The following SAMD5 variants were observed in gnomAD, a reference collection of about 807,000 sequenced individuals.
SAMD5 encodes the protein sterile alpha motif domain-containing protein 5.
A neutral mutation model predicts 11.3 loss-of-function variants in SAMD5; 13 were observed. The observed-to-expected ratio is 1.15, with a 90% CI of 0.75 to 1.83. The LOEUF is 1.83. SAMD5 is among the 40% of genes most tolerant of loss of function. SAMD5 has a pLI of 0.00. For missense variants in SAMD5, 255 were observed against 239.1 expected (o/e 1.07, Z -0.44); for synonymous variants, 129 against 111.3 (o/e 1.16, Z -1.00).
the SAMD5 span, among the ~76,000 whole-genome samples, chr6:147,859,841 G>A: frequency 6.6e-6 from 1 of 151,904 alleles, no homozygotes; most frequent in Non-Finnish European, 1.5e-5. Flanking sequence ...TGGAATTTAG[G>A]GCAATTACCT....
chr6:147,739,081 G>A (rs1448024486), downstream of SAMD5, among the ~76,000 whole-genome samples: 1 of 152,130 alleles, frequency 6.6e-6, no homozygotes, highest in African/African-American at 2.4e-5. Context: ...TAAAAGCTCT[G>A]CCTGTCTAGG....
intron 1 of SAMD5, among the ~76,000 whole-genome samples, chr6:147,727,622 A>G (rs928924708): frequency 3.3e-5 from 5 of 151,584 alleles, no homozygotes; most frequent in African/African-American, 1.2e-4. Context: ...ATTTCTTCCT[A>G]GATGATTTTC....
the SAMD5 span, among the ~76,000 whole-genome samples, chr6:147,793,664 G>A: frequency 6.6e-6 from 1 of 152,056 alleles, no homozygotes; most frequent in Non-Finnish European, 1.5e-5. Flanking sequence ...TATTTAGGCT[G>A]TTTTCATCTT....
At chr6:147,630,847 A>G (rs1790138859) in intron 1 of SAMD5, among the ~76,000 whole-genome samples, 1 of 152,128 alleles carries the variant, frequency 6.6e-6, no homozygotes, top group African/African-American at 2.4e-5. Context: ...GAGACAGAGG[A>G]GATGCGTTTT....
chr6:147,751,342 T>C, the SAMD5 span, among the ~76,000 whole-genome samples: 1,228 of 152,286 alleles, frequency 8.1e-3, 17 homozygotes, highest in African/African-American at 0.028. Flanking sequence ...TGTTTTTTTT[T>C]CCATCTGTCT....
chr6:147,626,690 T>A (rs1046358), intron 1 of SAMD5, among the ~76,000 whole-genome samples: 107,062 of 150,696 alleles, frequency 0.71, 38,632 homozygotes, highest in African/African-American at 0.84. Flanking sequence ...GTGGTGGCTC[T>A]TCTCTGTAAT....
At chr6:147,952,574 G>C in the SAMD5 span, among the ~76,000 whole-genome samples, 10 of 152,286 alleles carry the variant, frequency 6.6e-5, no homozygotes, top group African/African-American at 2.2e-4. Context: ...GCAGAGACGT[G>C]ACCTCAGCTC....
At chr6:147,742,469 T>C (rs1791893442), downstream of SAMD5, among the ~76,000 whole-genome samples, 1 of 152,246 alleles carries the variant, frequency 6.6e-6, no homozygotes, top group South Asian at 2.1e-4. Flanking sequence ...ATACGTACCA[T>C]GCTGTTTCTG....
At chr6:147,558,399 G>C (rs1788891497) in intron 1 of SAMD5, among the ~76,000 whole-genome samples, 1 of 152,142 alleles carries the variant, frequency 6.6e-6, no homozygotes, top group Non-Finnish European at 1.5e-5. Flanking sequence ...TTTCTGTTCT[G>C]GGCTTGTGCT....
At chr6:147,778,392 G>A in the SAMD5 span, among the ~76,000 whole-genome samples, 1 of 152,026 alleles carries the variant, frequency 6.6e-6, no homozygotes, top group African/African-American at 2.4e-5. Flanking sequence ...ATTTCTACTT[G>A]GATGTTCAGT....
chr6:147,891,057 G>A, the SAMD5 span, among the ~76,000 whole-genome samples: 8 of 152,124 alleles, frequency 5.3e-5, no homozygotes, highest in East Asian at 7.7e-4. Context: ...AGATGAATAC[G>A]TCTAGTAAGA....
intron 1 of SAMD5, among the ~76,000 whole-genome samples, chr6:147,580,862 T>G (rs1355087642): frequency 4.6e-5 from 7 of 152,036 alleles, no homozygotes; most frequent in Admixed American, 4.6e-4. Flanking sequence ...AGGAAAGTAG[T>G]AGAGAATGTC....
At chr6:147,776,618 G>A in the SAMD5 span, among the ~76,000 whole-genome samples, 1 of 152,178 alleles carries the variant, frequency 6.6e-6, no homozygotes, top group African/African-American at 2.4e-5. Context: ...CCATCAAGAG[G>A]TGGTCTTTGT....
At chr6:147,910,566 G>C in the SAMD5 span, among the ~76,000 whole-genome samples, 1 of 152,104 alleles carries the variant, frequency 6.6e-6, no homozygotes, top group Non-Finnish European at 1.5e-5. Context: ...GGCTCATGTT[G>C]TTTGATCTAA....
downstream of SAMD5, among the ~76,000 whole-genome samples, chr6:147,574,065 T>A (rs962188710): frequency 3.9e-5 from 6 of 152,068 alleles, no homozygotes; most frequent in East Asian, 1.2e-3. Context: ...GAGGCGGAGC[T>A]TGCAGTGAGC....
chr6:147,872,396 G>A, the SAMD5 span, among the ~76,000 whole-genome samples: 1 of 152,120 alleles, frequency 6.6e-6, no homozygotes, highest in Non-Finnish European at 1.5e-5. Context: ...CCTGTGCCTG[G>A]TCTATTATGT....
intron 1 of SAMD5, among the ~76,000 whole-genome samples, chr6:147,652,594 C>G (rs1180336533): frequency 6.6e-6 from 1 of 152,176 alleles, no homozygotes; most frequent in Non-Finnish European, 1.5e-5. Context: ...ACTGGACTGG[C>G]TGGCCAAGTG....
the SAMD5 span, among the ~76,000 whole-genome samples, chr6:147,793,166 ATG>A: frequency 6.6e-6 from 1 of 152,156 alleles, no homozygotes. Flanking sequence ...ACAACAAGTC[ATG>A]TTGCCAGCAA....
At chr6:147,596,426 G>A (rs1789532255) in intron 1 of SAMD5, among the ~76,000 whole-genome samples, 1 of 152,184 alleles carries the variant, frequency 6.6e-6, no homozygotes, top group African/African-American at 2.4e-5. Context: ...CTATTAGTCT[G>A]TGGTTATGGC....
Sources: gnomAD v4.1 joint callset for allele counts (sites outside exome capture counted in the v4.1 genomes callset) on GRCh38, gnomAD v4.1.1 for gene constraint, MANE v1.5 for transcripts, NCBI Gene and HGNC (gene_info 2026-07-23, HGNC 2026-07-21) for gene names.